The following TAFA1 variants were observed in gnomAD, a reference collection of about 807,000 sequenced individuals.
TAFA1 encodes chemokine-like protein TAFA-1.
In TAFA1, 4 loss-of-function variants were observed where a neutral mutation model predicts 18.5. That is an observed-to-expected ratio of 0.22 (90% CI 0.11 to 0.49). TAFA1 has a LOEUF of 0.49. Among genes scored for constraint, TAFA1 ranks in the 20% least tolerant of loss-of-function variants. The pLI is 0.98. For synonymous variants in TAFA1, 56 were observed against 55.2 expected (o/e 1.01, Z -0.06); for missense variants, 147 against 169.0 (o/e 0.87, Z 0.72).
intron 2 of TAFA1, among the ~76,000 whole-genome samples, chr3:68,377,715 G>A (rs2069845819): frequency 6.6e-6 from 1 of 152,152 alleles, no homozygotes; most frequent in Non-Finnish European, 1.5e-5. Context: ...CACAGGCCTT[G>A]CAGCCTAAAA....
chr3:68,472,526 AC>A (rs1272970110), intron 3 of TAFA1, among the ~76,000 whole-genome samples: 52 of 152,188 alleles, frequency 3.4e-4, no homozygotes, highest in African/African-American at 1.1e-3. Context: ...ACACACACAC[AC>A]ACACACAAAT....
At chr3:68,203,985 G>C (rs991235300) in intron 2 of TAFA1, among the ~76,000 whole-genome samples, 3 of 112,512 alleles carry the variant, frequency 2.7e-5, no homozygotes, top group Non-Finnish European at 5.2e-5. Flanking sequence ...TCCCCTTGTA[G>C]TTTTTAGCTC....
At chr3:68,373,030 T>C (rs1394375493) in intron 2 of TAFA1, among the ~76,000 whole-genome samples, 2 of 152,174 alleles carry the variant, frequency 1.3e-5, no homozygotes, top group East Asian at 3.9e-4. Context: ...TCCATTACAT[T>C]TGCTCTAGTA....
At chr3:68,504,049 T>C (rs2072707091) in intron 3 of TAFA1, among the ~76,000 whole-genome samples, 2 of 152,256 alleles carry the variant, frequency 1.3e-5, no homozygotes, top group South Asian at 4.1e-4. Flanking sequence ...GGATTATATA[T>C]TTTTAAAGCA....
rs796379506 is a variant in TAFA1 at position 68,127,819 on chromosome 3, G to A, written c.118+121075G>A. ...GCTGATGGCAGTGGTGGTGGTGGTG[G>A]TGATGGTGGTGGTGATGCTGATAGC... is the stretch of plus-strand genomic sequence containing the variant. On this transcript the variant is annotated intron_variant, in intron 2 of 4. Transcript: ENST00000478136. 1.8e-3 allele frequency among the ~76,000 whole-genome samples: 258 copies of A among 145,812 alleles called. 2 individuals carry two copies. Among genetic ancestry groups the A allele is most frequent in the African/African-American group, 6.4e-3 (242 of 37,868 alleles).
intron 2 of TAFA1, among the ~76,000 whole-genome samples, chr3:68,292,217 C>T (rs544521214): frequency 6.6e-6 from 1 of 152,116 alleles, no homozygotes; most frequent in South Asian, 2.1e-4. Context: ...TGTGTCTTAT[C>T]TACCCAGAGA....
At chr3:68,342,610 A>G (rs994638774) in intron 2 of TAFA1, among the ~76,000 whole-genome samples, 3 of 152,214 alleles carry the variant, frequency 2.0e-5, no homozygotes, top group Admixed American at 2.0e-4. Flanking sequence ...TGATTGTCTC[A>G]GACAGTCATG....
At chr3:68,336,662 G>T (rs1006210059) in intron 2 of TAFA1, among the ~76,000 whole-genome samples, 4 of 152,154 alleles carry the variant, frequency 2.6e-5, no homozygotes, top group African/African-American at 9.7e-5. Context: ...GAATATCTGG[G>T]GTCTGGGCAG....
At chr3:68,014,355 G>A (rs1471301952) in intron 2 of TAFA1, among the ~76,000 whole-genome samples, 1 of 152,198 alleles carries the variant, frequency 6.6e-6, no homozygotes, top group African/African-American at 2.4e-5. Flanking sequence ...GATCATCCTA[G>A]CTTTAGCCGA....
intron 2 of TAFA1, among the ~76,000 whole-genome samples, chr3:68,366,085 C>A (rs865792352): frequency 3.2e-3 from 303 of 93,568 alleles, no homozygotes; most frequent in African/African-American, 3.0e-3. Flanking sequence ...GACTCCATCT[C>A]AAAAAAAAAA....
chr3:68,239,216 C>G (rs1379834342), intron 2 of TAFA1, among the ~76,000 whole-genome samples: 1 of 151,960 alleles, frequency 6.6e-6, no homozygotes, highest in African/African-American at 2.4e-5. Context: ...TTTCATTTGT[C>G]AAGAATTTAG....
intron 2 of TAFA1, among the ~76,000 whole-genome samples, chr3:68,007,993 G>A (rs2106770851): frequency 6.6e-6 from 1 of 152,362 alleles, no homozygotes; most frequent in South Asian, 2.1e-4. Context: ...GAGCGCGCAA[G>A]CCTGCTGGGT....
intron 2 of TAFA1, among the ~76,000 whole-genome samples, chr3:68,312,425 G>T (rs1209209451): frequency 6.6e-6 from 1 of 152,078 alleles, no homozygotes; most frequent in Non-Finnish European, 1.5e-5. Context: ...TGGCACCCAA[G>T]TCACCTCTTG....
At chr3:68,236,194 C>T (rs1273379819) in intron 2 of TAFA1, among the ~76,000 whole-genome samples, 1 of 152,126 alleles carries the variant, frequency 6.6e-6, no homozygotes, top group Non-Finnish European at 1.5e-5. Context: ...AGGAAAAGGG[C>T]CACTCATAAT....
At position 68,131,434 on chromosome 3, in the gene TAFA1, G is replaced by A. The variant is rs75751204; in HGVS notation, c.118+124690G>A. 4.8e-3 allele frequency among the ~76,000 whole-genome samples: 724 copies of A among 152,224 alleles called. 7 individuals carry two copies. The highest frequency in any genetic ancestry group is 0.016 in the African/African-American group (654 of 41,536). On this transcript the variant is annotated intron_variant, in intron 2 of 4. Transcript: ENST00000478136. ...TCTCCCCAGAGGGAAGAAGAGCACC[G>A]TTTAATTACCTTCAAGTATTACCCT...
chr3:68,372,869 C>T (rs1193840662), intron 2 of TAFA1, among the ~76,000 whole-genome samples: 1 of 152,130 alleles, frequency 6.6e-6, no homozygotes, highest in Non-Finnish European at 1.5e-5. Context: ...AAGGAATCCT[C>T]ATACAGGTTG....
intron 2 of TAFA1, among the ~76,000 whole-genome samples, chr3:68,345,048 T>A (rs1575793372): frequency 7.2e-6 from 1 of 139,304 alleles, no homozygotes; most frequent in African/African-American, 2.7e-5. Context: ...AAAAAAAAAA[T>A]TCAAGGAAAT....
intron 2 of TAFA1, among the ~76,000 whole-genome samples, chr3:68,334,383 C>T (rs190008408): frequency 2.0e-5 from 3 of 152,078 alleles, no homozygotes; most frequent in East Asian, 1.9e-4. Flanking sequence ...TTACATTTGT[C>T]GATTTGTGAA....
chr3:68,459,421 G>T (rs2071731821), intron 3 of TAFA1, among the ~76,000 whole-genome samples: 1 of 152,142 alleles, frequency 6.6e-6, no homozygotes, highest in Admixed American at 6.6e-5. Flanking sequence ...ATCTTAGAGA[G>T]AAATAAATAA....
Sources: allele counts gnomAD v4.1 joint callset (sites outside exome capture counted in the v4.1 genomes callset), GRCh38; gene constraint gnomAD v4.1.1; transcripts MANE v1.5; gene names NCBI Gene and HGNC (gene_info 2026-07-23, HGNC 2026-07-21).